Variants in THSD7B observed in about 807,000 individuals in gnomAD.
THSD7B encodes thrombospondin type-1 domain-containing protein 7B.
A neutral mutation model predicts 213.6 loss-of-function variants in THSD7B; 138 were observed. That is an observed-to-expected ratio of 0.65 (90% CI 0.56 to 0.74). The LOEUF is 0.74. THSD7B is among the 30% of genes least tolerant of loss of function. The pLI is 0.00. For missense variants in THSD7B, 1,931 were observed against 1,991.5 expected (o/e 0.97, Z 0.58); for synonymous variants, 742 against 687.0 (o/e 1.08, Z -1.25).
intron 16 of THSD7B, among the ~76,000 whole-genome samples, chr2:137,568,162 T>C (rs772935816): frequency 2.1e-4 from 32 of 152,126 alleles, no homozygotes; most frequent in Admixed American, 1.9e-3. Flanking sequence ...GGAATGGTAA[T>C]AAAAGTGTGA....
intron 7 of THSD7B, among the ~76,000 whole-genome samples, chr2:137,191,175 T>C (rs185236252): frequency 6.6e-6 from 1 of 152,260 alleles, no homozygotes; most frequent in Admixed American, 6.5e-5. Flanking sequence ...GGCAAGCAGG[T>C]GTATTGCTGC....
In THSD7B at chr2:137,165,092, C is replaced by T. The variant is rs1013372618; in HGVS notation, c.1525+4724C>T. Among the ~76,000 whole-genome samples the T allele has an allele frequency of 2.6e-5, 4 of 152,094 alleles. No homozygotes were observed. In the East Asian group the frequency reaches 7.7e-4, roughly 29 times the overall value. ...AGGATGGAGGCAGTAGAACCTCTCACCTGAAGGTGGTACTGTCCCCACAGC... is the reference window on the plus strand; with the variant it reads ...AGGATGGAGGCAGTAGAACCTCTCATCTGAAGGTGGTACTGTCCCCACAGC... On this transcript the variant is annotated intron_variant, in intron 6 of 27. Coordinates refer to ENST00000409968, the MANE Select transcript of THSD7B (RefSeq NM_001316349.2).
intron 12 of THSD7B, among the ~76,000 whole-genome samples, chr2:137,372,719 T>A (rs562638710): frequency 6.6e-6 from 1 of 152,086 alleles, no homozygotes; most frequent in Non-Finnish European, 1.5e-5. Flanking sequence ...TATTATACTT[T>A]AAGTTTTAGG....
rs1685405237 is a variant in THSD7B, at chr2:136,971,626, TAAC to T, written c.140-84785_140-84783del. 3.6e-5 allele frequency among the ~76,000 whole-genome samples: 3 copies of T among 83,008 alleles called. No individual in the cohort carries two copies. In the East Asian group the frequency reaches 9.5e-4, roughly 26 times the overall value. 54.5% of individuals were successfully genotyped at this position (83,008 alleles called of 152,430 possible). ...GAACACAAATACAAAGTCACTGGTT[TAAC>T]AACAACAAATACACACACACACACA... is the stretch of plus-strand genomic sequence containing the variant. On this transcript the variant is annotated intron_variant, in intron 2 of 27. Coordinates refer to ENST00000409968, the MANE Select transcript of THSD7B (RefSeq NM_001316349.2).
intron 17 of THSD7B, among the ~76,000 whole-genome samples, chr2:137,590,412 TATA>T (rs1400008108): frequency 2.0e-5 from 3 of 152,166 alleles, no homozygotes; most frequent in Non-Finnish European, 4.4e-5. Context: ...TATAGCTGAC[TATA>T]ATAATAATAT....
chr2:137,608,889 A>T (rs1312467736), intron 17 of THSD7B, among the ~76,000 whole-genome samples: 1 of 152,218 alleles, frequency 6.6e-6, no homozygotes, highest in East Asian at 1.9e-4. Flanking sequence ...AGATTAGTTT[A>T]TAGTGTTTCA....
intron 10 of THSD7B, among the ~76,000 whole-genome samples, chr2:137,250,639 G>T (rs1682151261): frequency 6.6e-6 from 1 of 152,194 alleles, no homozygotes; most frequent in Admixed American, 6.5e-5. Flanking sequence ...GCTAGGCGCT[G>T]TGTGTATATG....
At chr2:137,329,835 G>A (rs955568049) in intron 12 of THSD7B, among the ~76,000 whole-genome samples, 3 of 152,194 alleles carry the variant, frequency 2.0e-5, no homozygotes, top group South Asian at 2.1e-4. Context: ...TGATCACCAA[G>A]ACAATGGGGA....
At chr2:137,282,078 T>A (rs1381815161) in intron 12 of THSD7B, among the ~76,000 whole-genome samples, 2 of 152,110 alleles carry the variant, frequency 1.3e-5, no homozygotes, top group Non-Finnish European at 2.9e-5. Flanking sequence ...GTTTCCTGAC[T>A]TTTTAATGAT....
At chr2:137,127,246 C>T (rs1199575750) in intron 5 of THSD7B, among the ~76,000 whole-genome samples, 4 of 151,948 alleles carry the variant, frequency 2.6e-5, no homozygotes, top group Admixed American at 6.6e-5. Context: ...GAAGTATGCC[C>T]GTATTTAATA....
intron 15 of THSD7B, among the ~76,000 whole-genome samples, chr2:137,460,445 C>T (rs541434027): frequency 2.0e-5 from 3 of 152,060 alleles, no homozygotes; most frequent in Admixed American, 6.6e-5. Flanking sequence ...TATTATATTG[C>T]CTTTTAGAAA....
At chr2:137,467,253 C>A (rs1048300918) in intron 15 of THSD7B, among the ~76,000 whole-genome samples, 5 of 152,126 alleles carry the variant, frequency 3.3e-5, no homozygotes, top group Non-Finnish European at 7.4e-5. Flanking sequence ...CAGCAGTGAA[C>A]GATCTGAGAC....
chr2:137,130,287 C>A (rs1399534385), intron 5 of THSD7B, among the ~76,000 whole-genome samples: 1 of 152,086 alleles, frequency 6.6e-6, no homozygotes, highest in East Asian at 1.9e-4. Flanking sequence ...GTATATGTAG[C>A]CCTACCCCAT....
chr2:136,888,583 T>C (rs1299831196), intron 2 of THSD7B, among the ~76,000 whole-genome samples: 1 of 152,134 alleles, frequency 6.6e-6, no homozygotes, highest in Non-Finnish European at 1.5e-5. Flanking sequence ...ATTACTTCCA[T>C]GGATATTGGT....
chr2:137,578,935 A>G (rs897745246), intron 17 of THSD7B, among the ~76,000 whole-genome samples: 2 of 152,232 alleles, frequency 1.3e-5, no homozygotes, highest in African/African-American at 4.8e-5. Flanking sequence ...AAGTCATTTA[A>G]CGTTTGCATA....
At chr2:136,805,377 A>C (rs1682263015) in intron 1 of THSD7B, among the ~76,000 whole-genome samples, 2 of 152,226 alleles carry the variant, frequency 1.3e-5, no homozygotes, top group African/African-American at 4.8e-5. Context: ...ACAATTAAAC[A>C]GCATTTTTGC....
intron 15 of THSD7B, among the ~76,000 whole-genome samples, chr2:137,534,745 T>C (rs1680470161): frequency 6.6e-6 from 1 of 151,756 alleles, no homozygotes; most frequent in East Asian, 1.9e-4. Flanking sequence ...TCTCTGAGTT[T>C]CTCAAAAAAG....
intron 7 of THSD7B, among the ~76,000 whole-genome samples, chr2:137,173,108 T>C (rs1480383042): frequency 6.6e-6 from 1 of 152,168 alleles, no homozygotes. Context: ...AAATTAGTTA[T>C]ATAACAATGA....
intron 7 of THSD7B, among the ~76,000 whole-genome samples, chr2:137,223,699 C>T (rs1041573960): frequency 1.3e-5 from 2 of 152,080 alleles, no homozygotes; most frequent in Admixed American, 6.5e-5. Flanking sequence ...GTGACTGGAC[C>T]CCCTCAATGT....
Sources: allele counts gnomAD v4.1 joint callset (sites outside exome capture counted in the v4.1 genomes callset), GRCh38; gene constraint gnomAD v4.1.1; transcripts MANE v1.5; gene names NCBI Gene and HGNC (gene_info 2026-07-23, HGNC 2026-07-21).